Variants in GPC6 observed in about 807,000 individuals in gnomAD.
GPC6 encodes the protein glypican-6.
A neutral mutation model predicts 55.2 loss-of-function variants in GPC6; 14 were observed. The ratio of observed to expected loss-of-function variants is 0.25; its 90% confidence interval spans 0.17 to 0.40. The LOEUF is 0.40. GPC6 is among the 10% of genes least tolerant of loss of function. The pLI is 1.00. For synonymous variants in GPC6, 278 were observed against 259.6 expected (o/e 1.07, Z -0.68); for missense variants, 641 against 708.5 (o/e 0.90, Z 1.08).
At chr13:93,250,331 C>T (rs9523981) in intron 1 of GPC6, among the ~76,000 whole-genome samples, 59,044 of 152,070 alleles carry the variant, frequency 0.39, 11,661 homozygotes, top group Admixed American at 0.48. Context: ...AACTGAGGGT[C>T]CTAGGGCTCT....
At chr13:94,243,877 G>GC (rs1891124969) in intron 4 of GPC6, among the ~76,000 whole-genome samples, 2 of 152,230 alleles carry the variant, frequency 1.3e-5, no homozygotes, top group South Asian at 2.1e-4. Context: ...TAAATGCTGT[G>GC]CCATGTAGGC....
At chr13:93,869,453 C>T (rs1594540560) in intron 3 of GPC6, among the ~76,000 whole-genome samples, 1 of 151,988 alleles carries the variant, frequency 6.6e-6, no homozygotes, top group East Asian at 2.0e-4. Flanking sequence ...CAAAAATCCT[C>T]TGCTAACATG....
chr13:94,192,752 C>T (rs1566526185), intron 4 of GPC6, among the ~76,000 whole-genome samples: 1 of 152,126 alleles, frequency 6.6e-6, no homozygotes, highest in Non-Finnish European at 1.5e-5. Flanking sequence ...GTCAACAGCA[C>T]AGAGAACATT....
At chr13:93,998,222 C>T (rs1398177231) in intron 3 of GPC6, among the ~76,000 whole-genome samples, 1 of 152,054 alleles carries the variant, frequency 6.6e-6, no homozygotes, top group African/African-American at 2.4e-5. Flanking sequence ...ACCTTAAGAC[C>T]ATAGATGACA....
At chr13:94,216,893 C>A (rs1890242197) in intron 4 of GPC6, among the ~76,000 whole-genome samples, 1 of 152,126 alleles carries the variant, frequency 6.6e-6, no homozygotes, top group Non-Finnish European at 1.5e-5. Context: ...GAAACACAAC[C>A]TTATGTAGAA....
intron 5 of GPC6, among the ~76,000 whole-genome samples, chr13:94,289,603 T>G (rs1370879476): frequency 1.3e-5 from 2 of 152,212 alleles, no homozygotes; most frequent in Non-Finnish European, 2.9e-5. Context: ...TGGCACAGTG[T>G]GGAGGTTAGA....
At chr13:93,850,987 G>C (rs996501176) in intron 3 of GPC6, among the ~76,000 whole-genome samples, 28 of 152,080 alleles carry the variant, frequency 1.8e-4, no homozygotes, top group African/African-American at 6.5e-4. Context: ...TATTTTGAAA[G>C]TTGTAGGCTG....
chr13:93,857,976 TGA>T (rs1472986300), intron 3 of GPC6, among the ~76,000 whole-genome samples: 1 of 151,526 alleles, frequency 6.6e-6, no homozygotes, highest in African/African-American at 2.4e-5. Context: ...TTTTTCACTT[TGA>T]GAGTGGATAA....
At chr13:93,934,869 A>C (rs1032919829) in intron 3 of GPC6, among the ~76,000 whole-genome samples, 3 of 151,228 alleles carry the variant, frequency 2.0e-5, no homozygotes, top group Admixed American at 6.6e-5. Context: ...TGACTTTGTG[A>C]ATTTCCATCA....
intron 4 of GPC6, among the ~76,000 whole-genome samples, chr13:94,273,153 C>T (rs770901985): frequency 2.0e-5 from 3 of 152,192 alleles, no homozygotes; most frequent in African/African-American, 4.8e-5. Flanking sequence ...GGAACAGTCT[C>T]CCTGATAGCA....
intron 4 of GPC6, among the ~76,000 whole-genome samples, chr13:94,083,121 T>C (rs892080284): frequency 3.3e-5 from 5 of 152,184 alleles, no homozygotes; most frequent in African/African-American, 1.2e-4. Context: ...TTTTGTTTTC[T>C]TTTGTTTTGT....
At chr13:94,008,986 TTC>T (rs1301653472) in intron 3 of GPC6, among the ~76,000 whole-genome samples, 1 of 152,166 alleles carries the variant, frequency 6.6e-6, no homozygotes, top group Non-Finnish European at 1.5e-5. Flanking sequence ...AAAATTAATT[TTC>T]TGTTTAATTT....
At chr13:93,726,145 CACACACAT>C (rs1205945515) in intron 2 of GPC6, among the ~76,000 whole-genome samples, 1 of 147,928 alleles carries the variant, frequency 6.8e-6, no homozygotes, top group Non-Finnish European at 1.5e-5. Context: ...CACACACACA[CACACACAT>C]ATCAAGCAAA....
intron 2 of GPC6, among the ~76,000 whole-genome samples, chr13:93,710,941 A>C (rs1043551277): frequency 9.9e-5 from 15 of 151,964 alleles, no homozygotes; most frequent in Non-Finnish European, 4.4e-5. Flanking sequence ...AATGTTAAAA[A>C]TAAATTACTT....
chr13:94,178,028 T>TTTTTTTTTTTTTTTG, intron 4 of GPC6, among the ~76,000 whole-genome samples: 1 of 147,596 alleles, frequency 6.8e-6, no homozygotes, highest in African/African-American at 2.6e-5. Flanking sequence ...CCTTTTAATT[T>TTTTTTTTTTTTTTTG]TTTTTTTTGA....
At chr13:94,156,683 C>G (rs1178460709) in intron 4 of GPC6, among the ~76,000 whole-genome samples, 2 of 152,276 alleles carry the variant, frequency 1.3e-5, no homozygotes, top group Non-Finnish European at 2.9e-5. Flanking sequence ...CAGTGTCATA[C>G]CAACTAATTT....
intron 3 of GPC6, among the ~76,000 whole-genome samples, chr13:93,951,225 T>C (rs966189456): frequency 3.9e-5 from 6 of 152,152 alleles, no homozygotes; most frequent in Admixed American, 3.9e-4. Flanking sequence ...GTAAAAGGTG[T>C]CATGTTACTT....
At chr13:94,202,232 C>G (rs1379595443) in intron 4 of GPC6, among the ~76,000 whole-genome samples, 1 of 152,114 alleles carries the variant, frequency 6.6e-6, no homozygotes, top group Non-Finnish European at 1.5e-5. Context: ...ATATCAAGAA[C>G]TAAATGAAAT....
chr13:93,490,781 G>C, intron 1 of GPC6, among the ~76,000 whole-genome samples: 1 of 115,130 alleles, frequency 8.7e-6, no homozygotes, highest in Non-Finnish European at 1.8e-5. Context: ...TTGGTTTTTT[G>C]TTCTTGCGAT....
Sources: allele counts gnomAD v4.1 joint callset (sites outside exome capture counted in the v4.1 genomes callset), GRCh38; gene constraint gnomAD v4.1.1; transcripts MANE v1.5; gene names NCBI Gene and HGNC (gene_info 2026-07-23, HGNC 2026-07-21).